The following HSPA8 variants were observed in gnomAD, a reference collection of about 807,000 sequenced individuals.
HSPA8 encodes heat shock protein family A (Hsp70) member 8.
In HSPA8, 2 loss-of-function variants were observed where a neutral mutation model predicts 52.8. That is an observed-to-expected ratio of 0.04 (90% confidence interval 0.02 to 0.12). HSPA8 has a LOEUF of 0.12. Among genes scored for constraint, HSPA8 ranks in the 10% least tolerant of loss-of-function variants. The pLI is 1.00. For missense variants in HSPA8, 349 were observed against 800.5 expected, an observed-to-expected ratio of 0.44 and a Z score of 6.81; for synonymous variants, 436 against 274.0, an observed-to-expected ratio of 1.59 and a Z score of -5.84.
intron 2 of HSPA8, 143 bp from the exon 3 acceptor site, chr11:123,060,941 T>G: frequency 1.1e-6 from 1 of 875,688 alleles, no homozygotes; most frequent in Non-Finnish European, 1.8e-6. Context: ...AACTTCAACC[T>G]CCTACGTTAT....
In HSPA8 at chr11:123,059,894, A is replaced by G; in HGVS notation, c.699T>C (p.Phe233=). The G allele has an allele frequency of 6.2e-7, 1 of 1,613,570 alleles. No homozygotes were observed. The highest frequency in any genetic ancestry group is 8.5e-7 in the Non-Finnish European group (1 of 1,179,946). ...AGDTHLGGED[F]DNRMVNHFIA... The stretch of plus-strand genomic sequence containing the variant: ...TAAAATGGTTGACCATTCGGTTGTC[A>G]AAATCTTCTCCACCCAAGTGGGTGT... The change falls in exon 5 of 9, where the codon TTT becomes TTC. Residue 233 remains phenylalanine (F), a synonymous_variant. Coordinates refer to ENST00000534624, the MANE Select transcript of HSPA8 (RefSeq NM_006597.6).
intron 3 of HSPA8, 112 bp downstream of exon 3, chr11:123,060,481 C>A: frequency 1.0e-6 from 1 of 972,148 alleles, no homozygotes; most frequent in East Asian, 2.4e-5. Flanking sequence ...GTGGTCTTAA[C>A]CCTGAGCTGA....
rs1267858326 is a variant in HSPA8, at chr11:123,057,529, G to C, written c.*205C>G. 1 of 466,744 alleles carries C rather than the reference G, an allele frequency of 2.1e-6. No homozygotes were observed. The highest frequency in any genetic ancestry group is 3.8e-6 in the Non-Finnish European group (1 of 266,244). 28.9% of individuals were successfully genotyped at this position (466,744 alleles called of 1,614,324 possible). Reference sequence around the variant, plus strand: ...TTTAAATAGTTTTATTTAAGACATTGCATTTTCCACTTACAATACAGTGTT... The same window carrying C: ...TTTAAATAGTTTTATTTAAGACATTCCATTTTCCACTTACAATACAGTGTT... On this transcript the variant is annotated 3_prime_UTR_variant, in exon 9 of 9. Coordinates refer to ENST00000534624, the MANE Select transcript of HSPA8 (RefSeq NM_006597.6).
Position 123,057,491 on chromosome 11 carries a change from G to A in HSPA8, c.*243C>T. 4 of 404,892 alleles carry A rather than the reference G, an allele frequency of 9.9e-6. No homozygotes were observed. Among genetic ancestry groups the A allele is most frequent in the East Asian group, 4.3e-5 (1 of 23,180 alleles). The allele number at this position is 404,892 out of a possible 1,614,324, so 25.1% of individuals were successfully genotyped here. A position where few individuals can be genotyped will look rare whatever the true frequency, so the allele number is the denominator to read the frequency against. On this transcript the variant is annotated 3_prime_UTR_variant, in exon 9 of 9. Coordinates refer to ENST00000534624, the MANE Select transcript of HSPA8 (RefSeq NM_006597.6). The stretch of plus-strand genomic sequence containing the variant: ...GATTATTTAAAGACTCAAAGCAATT[G>A]TATGGTGCCAATTTTAAATAGTTTT...
At chr11:123,061,606 T>TCA in intron 1 of HSPA8, 1 of 483,198 alleles carries the variant, frequency 2.1e-6, no homozygotes, top group Non-Finnish European at 3.8e-6. Context: ...GAGCACTGTC[T>TCA]GTTCCCCTCC....
At position 123,057,671 on chromosome 11, in the gene HSPA8, C is replaced by T. The variant is rs560017021; in HGVS notation, c.*63G>A. The T allele has an allele frequency of 2.6e-5, 35 of 1,364,040 alleles. No individual in the cohort carries two copies. In the Admixed American group the frequency reaches 4.1e-4, roughly 16 times the overall value. 84.5% of individuals were successfully genotyped at this position (1,364,040 alleles called of 1,614,324 possible). ...TTTAAAACTGCCACAGAATTTGCTACGAATTTAGGTCCTTCAAATGTTTTA... is the reference window on the plus strand; with the variant it reads ...TTTAAAACTGCCACAGAATTTGCTATGAATTTAGGTCCTTCAAATGTTTTA... On this transcript the variant is annotated 3_prime_UTR_variant, in exon 9 of 9. Coordinates refer to ENST00000534624, the MANE Select transcript of HSPA8 (RefSeq NM_006597.6).
rs71057327 is a variant in HSPA8, at chr11:123,058,226, G to GAAAAAA, written c.1755+20_1755+25dup. ...CCTTCCCCTCCATTGAGTGGGGGAG[G>GAAAAAA]AAAAAAAAAAAAAAAAAACACAAAC... On this transcript the variant is annotated intron_variant, in intron 8 of 8. Transcript: ENST00000534624. 1,677 of 1,011,630 alleles carry GAAAAAA rather than the reference G, an allele frequency of 1.7e-3. 8 individuals carry two copies. The highest frequency in any genetic ancestry group is 1.8e-3 in the Non-Finnish European group (1,266 of 694,786). The allele number at this position is 1,011,630 out of a possible 1,614,324, so 62.7% of individuals were successfully genotyped here.
chr11:123,058,273 G>A lies in HSPA8; in HGVS notation c.1734C>T (p.Ile578=), dbSNP rs1462054587. ...AAACCTGATTCTTATCAAGCCAGTT[G>A]ATAATTTCATTACACTTGTCCAGAA... The part of the protein sequence containing the change: ...QKILDKCNEI[I]NWLDKNQTAE... Residue 578 remains isoleucine (I), a synonymous_variant, in exon 8 of 9, where the codon ATC becomes ATT. Coordinates refer to ENST00000534624, the MANE Select transcript of HSPA8 (RefSeq NM_006597.6). 3 of 1,427,310 alleles carry A rather than the reference G, an allele frequency of 2.1e-6. No homozygotes were observed. Among genetic ancestry groups the A allele is most frequent in the African/African-American group, 1.4e-5 (1 of 70,084 alleles). 88.4% of individuals were successfully genotyped at this position (1,427,310 alleles called of 1,614,324 possible).
intron 5 of HSPA8, 31 bp downstream of exon 5, chr11:123,059,442 C>CTAA: frequency 1.3e-6 from 2 of 1,578,146 alleles, no homozygotes; most frequent in Non-Finnish European, 8.7e-7. Flanking sequence ...GGCCTGCCTG[C>CTAA]CTTTAGGGTT....
chr11:123,058,520 A>AT (rs1865387513), intron 7 of HSPA8, 36 bp from the exon 8 acceptor site: 1 of 1,599,336 alleles, frequency 6.3e-7, no homozygotes, highest in Admixed American at 1.7e-5. Flanking sequence ...AAAGCCTTAA[A>AT]TTACCTGTGT....
Position 123,059,836 on chromosome 11 carries a change from T to C in HSPA8, c.757A>G (p.Ile253Val), listed in dbSNP as rs759639896. Residue 253 changes from isoleucine to valine, a missense_variant, in exon 5 of 9, where the codon ATC becomes GTC. Physicochemically the swap from Ile to Val is conservative, Grantham distance 29. Transcript: ENST00000534624. The part of the protein sequence containing the change: ...AEFKRKHKKD[I>V]SENKRAVRRL... ...CTTACAGCTCTCTTGTTCTCACTGA[T>C]GTCCTTCTTATGCTTGCGCTTAAAC... The C allele has an allele frequency of 6.8e-6, 11 of 1,613,668 alleles. No homozygotes were observed. The highest frequency in any genetic ancestry group is 1.7e-5 in the Admixed American group (1 of 59,986).
In HSPA8 at chr11:123,058,243, A is replaced by T. The variant is rs543340698; in HGVS notation, c.1755+9T>A. 1 of 1,510,628 alleles carries T rather than the reference A, an allele frequency of 6.6e-7. No homozygotes were observed. Among genetic ancestry groups the T allele is most frequent in the Non-Finnish European group, 9.1e-7 (1 of 1,102,916 alleles). 93.6% of individuals were successfully genotyped at this position (1,510,628 alleles called of 1,614,324 possible). A position where few individuals can be genotyped will look rare whatever the true frequency, so the allele number is the denominator to read the frequency against. The stretch of plus-strand genomic sequence containing the variant: ...TGGGGGAGGAAAAAAAAAAAAAAAA[A>T]ACACAAACCTGATTCTTATCAAGCC... On this transcript the variant is annotated intron_variant, in intron 8 of 8. Transcript: ENST00000534624.
chr11:123,060,351 A>T, intron 3 of HSPA8, 83 bp from the exon 4 acceptor site: 1 of 1,330,844 alleles, frequency 7.5e-7, no homozygotes. Flanking sequence ...AATGCTGGTG[A>T]AAGAACAGCT....
chr11:123,060,116 C>G lies in HSPA8; in HGVS notation c.564G>C (p.Lys188Asn). Residue 188 changes from lysine to asparagine, a missense_variant and splice_region_variant, in exon 4 of 9, where the codon AAG becomes AAC. Lys to Asn is a moderately conservative substitution (Grantham distance 94). Coordinates refer to ENST00000534624, the MANE Select transcript of HSPA8 (RefSeq NM_006597.6). ...AACTTGCATCACAAATGGTACATAC[C>G]TTTTTGTCTAAGCCGTAAGCAATAG... ...AAAIAYGLDK[K>N]VGAERNVLIF... 6.2e-7 allele frequency: 1 copy of G among 1,613,922 alleles called. No homozygotes were observed. The highest frequency in any genetic ancestry group is 8.5e-7 in the Non-Finnish European group (1 of 1,180,002).
chr11:123,058,093 G>C, intron 8 of HSPA8, 159 bp downstream of exon 8: 1 of 714,398 alleles, frequency 1.4e-6, no homozygotes, highest in Non-Finnish European at 2.3e-6. Flanking sequence ...AGACATCCAA[G>C]GAAGGTAGTT....
At chr11:123,058,226 GAAAA>G (rs71057327) in intron 8 of HSPA8, 22 bp downstream of exon 8, 427 of 1,011,848 alleles carry the variant, frequency 4.2e-4, no homozygotes, top group Non-Finnish European at 5.1e-4. Context: ...AGTGGGGGAG[GAAAA>G]AAAAAAAAAA....
In HSPA8 at chr11:123,060,267, G is replaced by C. The variant is rs774366889; in HGVS notation, c.413C>G (p.Thr138Ser). 6 of 1,613,016 alleles carry C rather than the reference G, an allele frequency of 3.7e-6. No individual in the cohort carries two copies. Among genetic ancestry groups the C allele is most frequent in the South Asian group, 2.2e-5 (2 of 91,058 alleles). Residue 138 changes from threonine to serine, a missense_variant and splice_region_variant, in exon 4 of 9, where the codon ACT becomes AGT. Transcript: ENST00000534624. ...KEIAEAYLGKTVTNAVVTVPA... is the reference protein window; with the variant it reads ...KEIAEAYLGKSVTNAVVTVPA... The stretch of plus-strand genomic sequence containing the variant: ...CACTGTGACCACAGCATTGGTAACA[G>C]TCTAGGAATAAGGAAAAGACCACAG...
intron 3 of HSPA8, 159 bp downstream of exon 3, chr11:123,060,434 C>T (rs548384164): frequency 1.4e-5 from 13 of 904,102 alleles, no homozygotes; most frequent in Non-Finnish European, 1.7e-5. Flanking sequence ...TGTTGACAGA[C>T]CCATCTACCT....
rs1321958374 is a variant in HSPA8 at position 123,057,845 on chromosome 11, C to T, written c.1830G>A (p.Leu610=). The T allele has an allele frequency of 1.2e-6, 2 of 1,613,738 alleles. No individual in the cohort carries two copies. The highest frequency in any genetic ancestry group is 1.3e-5 in the African/African-American group (1 of 75,044). The stretch of plus-strand genomic sequence containing the variant: ...CTGGCATGCCTCCTGCACTCTGGTA[C>T]AGCTTGGTGATGATGGGGTTGCAAA... ...EKVCNPIITK[L]YQSAGGMPGG... is the part of the protein sequence containing the mutation. The change falls in exon 9 of 9, where the codon CTG becomes CTA. Residue 610 remains leucine (L), a synonymous_variant. Transcript: ENST00000534624.
Sources: allele counts gnomAD v4.1 joint callset, GRCh38; gene constraint gnomAD v4.1.1; transcripts MANE v1.5; gene names NCBI Gene and HGNC (gene_info 2026-07-23, HGNC 2026-07-21).